FLT3: variants seen among roughly 807,000 people sequenced by gnomAD.
FLT3 encodes fms related receptor tyrosine kinase 3, also known as receptor-type tyrosine-protein kinase FLT3.
In FLT3, 46 loss-of-function variants were observed where a neutral mutation model predicts 126.6. The observed-to-expected ratio is 0.36, with a 90% confidence interval of 0.29 to 0.46. FLT3 has a LOEUF of 0.46. Among genes scored for constraint, FLT3 ranks in the 20% least tolerant of loss-of-function variants. The pLI, the probability that FLT3 is intolerant of heterozygous loss-of-function variation, is 1.00. For missense variants in FLT3, 1,069 were observed against 1,190.3 expected (o/e 0.90, Z 1.50); for synonymous variants, 404 against 434.4 (o/e 0.93, Z 0.87).
rs761880634 is a variant in FLT3 at position 28,035,650 on chromosome 13, CCTT to C, written c.1439_1441del (p.Glu480del). 3 of 1,613,672 alleles carry C rather than the reference CCTT, an allele frequency of 1.9e-6. No individual in the cohort carries two copies. The highest frequency in any genetic ancestry group is 4.5e-5 in the East Asian group (2 of 44,886). On this transcript the variant is annotated inframe_deletion, in exon 12 of 24. Transcript: ENST00000241453. ...TCTGTTAGCCTTTCTATTCCAGACTCCTTCTGTGATCTCTTCTGTGCAGCTGAA... is the reference window on the plus strand; with the variant it reads ...TCTGTTAGCCTTTCTATTCCAGACTCCTGTGATCTCTTCTGTGCAGCTGAA...
intron 1 of FLT3, among the ~76,000 whole-genome samples, chr13:28,071,648 AG>A (rs1877527102): frequency 6.6e-6 from 1 of 151,968 alleles, no homozygotes; most frequent in Non-Finnish European, 1.5e-5. Flanking sequence ...CAATCTCTGT[AG>A]GTGTATATTT....
intron 15 of FLT3, among the ~76,000 whole-genome samples, chr13:28,031,157 G>A (rs1207787109): frequency 6.6e-6 from 1 of 151,778 alleles, no homozygotes; most frequent in African/African-American, 2.4e-5. Context: ...GAACCCAGGA[G>A]GCGGAGCTTA....
At chr13:28,027,852 AC>A (rs1872947733) in intron 16 of FLT3, among the ~76,000 whole-genome samples, 2 of 152,206 alleles carry the variant, frequency 1.3e-5, no homozygotes, top group Non-Finnish European at 1.5e-5. Flanking sequence ...AACCACTCTC[AC>A]CACGCCTGTG....
chr13:28,085,578 A>G (rs888475917), intron 1 of FLT3, among the ~76,000 whole-genome samples: 2 of 152,098 alleles, frequency 1.3e-5, no homozygotes, highest in Non-Finnish European at 1.5e-5. Flanking sequence ...CTTGCAGTTC[A>G]GTCAGATTTT....
At chr13:28,071,201 G>A (rs1395652939) in intron 1 of FLT3, among the ~76,000 whole-genome samples, 2 of 151,086 alleles carry the variant, frequency 1.3e-5, no homozygotes, top group Non-Finnish European at 3.0e-5. Flanking sequence ...GTAGAGACGG[G>A]GTATCGCCAC....
chr13:28,084,899 C>T (rs1311819686), intron 1 of FLT3, among the ~76,000 whole-genome samples: 3 of 147,950 alleles, frequency 2.0e-5, no homozygotes, highest in Non-Finnish European at 4.5e-5. Flanking sequence ...GGCGTGAACC[C>T]GGGAGGCGGA....
intron 1 of FLT3, among the ~76,000 whole-genome samples, chr13:28,075,149 T>C (rs1320801982): frequency 6.6e-6 from 1 of 152,238 alleles, no homozygotes; most frequent in Non-Finnish European, 1.5e-5. Context: ...TGTGATGTTT[T>C]AATATATGCA....
chr13:28,085,125 C>T (rs967107947), intron 1 of FLT3, among the ~76,000 whole-genome samples: 5 of 151,924 alleles, frequency 3.3e-5, no homozygotes, highest in African/African-American at 9.6e-5. Context: ...GAGCGGATCA[C>T]CTGAGAAAGG....
At position 28,061,971 on chromosome 13, in the gene FLT3, G is replaced by A. The variant is rs374470261; in HGVS notation, c.264C>T (p.Ser88=). The change falls in exon 3 of 24, where the codon TCC becomes TCT. Residue 88 remains serine (S), a synonymous_variant. Coordinates refer to ENST00000241453, the MANE Select transcript of FLT3 (RefSeq NM_004119.3). ...CGTCGACCAGCACTTGCAGTGTGAT[G>A]GAAGCAGATACATCCACTTCCACAG... The part of the protein sequence containing the change: ...AAAVEVDVSA[S]ITLQVLVDAP... 115 of 1,613,526 alleles carry A rather than the reference G, an allele frequency of 7.1e-5. No homozygotes were observed. Among genetic ancestry groups the A allele is most frequent in the Non-Finnish European group, 9.6e-5 (113 of 1,179,756 alleles).
In FLT3 at chr13:28,015,609, C is replaced by G. The variant is rs779336061; in HGVS notation, c.2634G>C (p.Leu878=). ...KSDVWSYGIL[L]WEIFSLGVNP... is the part of the protein sequence containing the mutation. Reference sequence around the variant, plus strand: ...ACTTACCAAGTGAGAAGATTTCCCACAGTAATATTCCATATGACCAGACAT... The same window carrying G: ...ACTTACCAAGTGAGAAGATTTCCCAGAGTAATATTCCATATGACCAGACAT... Residue 878 remains leucine, a synonymous_variant, in exon 21 of 24, where the codon CTG becomes CTC. Coordinates refer to ENST00000241453, the MANE Select transcript of FLT3 (RefSeq NM_004119.3). 1 of 1,609,172 alleles carries G rather than the reference C, an allele frequency of 6.2e-7. No homozygotes were observed. The highest frequency in any genetic ancestry group is 1.3e-5 in the African/African-American group (1 of 74,700).
Position 28,100,441 on chromosome 13 carries a change from G to A in FLT3, c.43+27C>T. On this transcript the variant is annotated intron_variant, in intron 1 of 23. Transcript: ENST00000241453. This position sits in a 1 kb window ranked among gnomAD's most constrained non-coding sequence, Gnocchi z 4.8. The stretch of plus-strand genomic sequence containing the variant: ...GGTGGGGGCTGAGGGACCGCGAGGG[G>A]CTGCGAGCGAGCGAGCGGGGCCTTA... 1 of 1,215,542 alleles carries A rather than the reference G, an allele frequency of 8.2e-7. No homozygotes were observed. The highest frequency in any genetic ancestry group is 1.0e-6 in the Non-Finnish European group (1 of 977,136). The allele number at this position is 1,215,542 out of a possible 1,614,324, so 75.3% of individuals were successfully genotyped here. A position where few individuals can be genotyped will look rare whatever the true frequency, so the allele number is the denominator to read the frequency against.
Position 28,003,285 on chromosome 13 carries a change from G to C in FLT3, c.*767C>G, listed in dbSNP as rs1325793508. The C allele has an allele frequency of 8.6e-6, 2 of 232,658 alleles. No homozygotes were observed. Among genetic ancestry groups the C allele is most frequent in the African/African-American group, 4.4e-5 (2 of 45,230 alleles). The allele number at this position is 232,658 out of a possible 1,614,324, so 14.4% of individuals were successfully genotyped here. A position where few individuals can be genotyped will look rare whatever the true frequency, so the allele number is the denominator to read the frequency against. The stretch of plus-strand genomic sequence containing the variant: ...AAAATGAAGGGGACTGTGGGGACAA[G>C]AGTAACTTTATTGAAAATACTAATC... On this transcript the variant is annotated 3_prime_UTR_variant, in exon 24 of 24. Transcript: ENST00000241453.
chr13:28,091,449 C>T (rs1357027208), intron 1 of FLT3, among the ~76,000 whole-genome samples: 2 of 150,704 alleles, frequency 1.3e-5, no homozygotes. Flanking sequence ...TCTCGATCTC[C>T]TGACCTCGTG....
intron 15 of FLT3, among the ~76,000 whole-genome samples, chr13:28,033,013 A>G (rs544643970): frequency 6.6e-6 from 1 of 152,226 alleles, no homozygotes; most frequent in African/African-American, 2.4e-5. Context: ...TGAGGATACA[A>G]AGGGCCCCAG....
At chr13:28,009,717 C>T (rs1052498985) in intron 23 of FLT3, among the ~76,000 whole-genome samples, 3 of 152,048 alleles carry the variant, frequency 2.0e-5, no homozygotes, top group Admixed American at 6.6e-5. Context: ...TGCACCACCA[C>T]GCCTGGCTAA....
chr13:28,100,428 G>A lies in FLT3; in HGVS notation c.43+40C>T. The A allele has an allele frequency of 3.3e-6, 4 of 1,211,408 alleles. No homozygotes were observed. Among genetic ancestry groups the A allele is most frequent in the South Asian group, 4.1e-5 (1 of 24,112 alleles). 75.0% of individuals were successfully genotyped at this position (1,211,408 alleles called of 1,614,324 possible). A position where few individuals can be genotyped will look rare whatever the true frequency, so the allele number is the denominator to read the frequency against. ...GTCCACACTGCGGGGTGGGGGCTGA[G>A]GGACCGCGAGGGGCTGCGAGCGAGC... On this transcript the variant is annotated intron_variant, in intron 1 of 23. Transcript: ENST00000241453. The surrounding 1 kb of genome is among the most constrained non-coding windows in gnomAD (Gnocchi z 4.8).
In FLT3 at chr13:28,057,420, T is replaced by C; in HGVS notation, c.411A>G (p.Gln137=). 2 of 1,586,608 alleles carry C rather than the reference T, an allele frequency of 1.3e-6. No individual in the cohort carries two copies. Among genetic ancestry groups the C allele is most frequent in the Non-Finnish European group, 8.7e-7 (1 of 1,154,944 alleles). ...SMVILKMTET[Q]AGEYLLFIQS... is the part of the protein sequence containing the mutation. Reference sequence around the variant, plus strand: ...GAATAAAAAGTAGGTATTCTCCAGCTTGGGTTTCTGTCATTTTCAAAATGA... The same window carrying C: ...GAATAAAAAGTAGGTATTCTCCAGCCTGGGTTTCTGTCATTTTCAAAATGA... The change falls in exon 4 of 24, where the codon CAA becomes CAG. Residue 137 remains glutamine, a synonymous_variant. Transcript: ENST00000241453.
chr13:28,019,471 G>A (rs1872189246), intron 19 of FLT3, among the ~76,000 whole-genome samples: 1 of 151,966 alleles, frequency 6.6e-6, no homozygotes, highest in African/African-American at 2.4e-5. Flanking sequence ...GATCTGAAGG[G>A]GAACAGGGCA....
At position 28,050,108 on chromosome 13, in the gene FLT3, C is replaced by G. The variant is rs200522693; in HGVS notation, c.729G>C (p.Arg243Ser). ...TTATAGTGTTACCTATTGTGAACAG[C>G]CTGGTGCATTCCCTGCCCAGTTCAT... ...ARNELGRECT[R>S]LFTIDLNQTP... is the part of the protein sequence containing the mutation. Residue 243 changes from arginine to serine, a missense_variant, in exon 6 of 24, where the codon AGG (arginine) becomes AGC (serine). By Grantham distance (110) the Arg-to-Ser change is moderately radical. Coordinates refer to ENST00000241453, the MANE Select transcript of FLT3 (RefSeq NM_004119.3). 5 of 1,614,108 alleles carry G rather than the reference C, an allele frequency of 3.1e-6. No individual in the cohort carries two copies. In the East Asian group the frequency reaches 8.9e-5, roughly 29 times the overall value.
Sources: gnomAD v4.1 joint callset for allele counts (sites outside exome capture counted in the v4.1 genomes callset) on GRCh38, gnomAD v4.1.1 for gene constraint, Gnocchi (gnomAD v3.1) non-coding constraint, MANE v1.5 for transcripts, NCBI Gene and HGNC (gene_info 2026-07-23, HGNC 2026-07-21) for gene names.